ZNF516: variants seen among roughly 807,000 people sequenced by gnomAD.
The protein encoded by ZNF516 is zinc finger protein 516.
In ZNF516, 19 loss-of-function variants were observed where a neutral mutation model predicts 79.7. The ratio of observed to expected loss-of-function variants is 0.24; its 90% CI spans 0.17 to 0.35. The LOEUF (loss-of-function observed/expected upper bound fraction) is 0.35, where lower values mean the gene tolerates loss of function less well. Ranked by LOEUF, ZNF516 falls within the 10% of genes least tolerant of loss-of-function variation. The pLI is 1.00. For missense variants in ZNF516, 1,678 were observed against 1,679.5 expected (o/e 1.00, Z 0.02); for synonymous variants, 877 against 739.5 (o/e 1.19, Z -3.02).
At chr18:76,466,191 C>T (rs1393658277) in intron 1 of ZNF516, among the ~76,000 whole-genome samples, 8 of 152,090 alleles carry the variant, frequency 5.3e-5, no homozygotes, top group Non-Finnish European at 7.4e-5. Flanking sequence ...ATTTGATTTA[C>T]GACACTAATT....
At chr18:76,366,513 C>T (rs757615836) in intron 6 of ZNF516, among the ~76,000 whole-genome samples, 24 of 152,184 alleles carry the variant, frequency 1.6e-4, no homozygotes, top group African/African-American at 5.3e-4. Context: ...AAGAGAAGCA[C>T]GCTGGCAGGT....
At chr18:76,422,707 T>C (rs1212553864) in intron 3 of ZNF516, among the ~76,000 whole-genome samples, 1 of 151,686 alleles carries the variant, frequency 6.6e-6, no homozygotes, top group African/African-American at 2.4e-5. Flanking sequence ...GGGGCAGACA[T>C]GGGGCACTGG....
At chr18:76,391,037 C>T (rs1033040465) in intron 3 of ZNF516, among the ~76,000 whole-genome samples, 2 of 152,094 alleles carry the variant, frequency 1.3e-5, no homozygotes, top group Non-Finnish European at 2.9e-5. Context: ...CCCAGGAGGG[C>T]CACGAGGGAA....
rs1441845017 is a variant in ZNF516 at position 76,442,847 on chromosome 18, G to A, written c.208C>T (p.Arg70Trp). ...TTCAGGTTGCCCTTCTGGGAAGCCCGGTGGTCGCAGTAGGGACACTTGTAG... is the reference window on the plus strand; with the variant it reads ...TTCAGGTTGCCCTTCTGGGAAGCCCAGTGGTCGCAGTAGGGACACTTGTAG... The part of the protein sequence containing the change: ...KPYKCPYCDH[R>W]ASQKGNLKIH... Residue 70 changes from arginine (R) to tryptophan (W), a missense_variant, in exon 3 of 7, where the codon CGG (arginine) becomes TGG (tryptophan). By Grantham distance (101) the Arg-to-Trp change is moderately radical. This residue lies in a region of ZNF516 where 26 missense variants were observed against 66.4 expected (regional missense o/e 0.39). Coordinates refer to ENST00000443185, the MANE Select transcript of ZNF516 (RefSeq NM_014643.4). The A allele has an allele frequency of 6.2e-7, 1 of 1,613,296 alleles. No individual in the cohort carries two copies. Among genetic ancestry groups the A allele is most frequent in the Non-Finnish European group, 8.5e-7 (1 of 1,179,612 alleles).
intron 1 of ZNF516, among the ~76,000 whole-genome samples, chr18:76,466,077 A>C (rs79275670): frequency 0.017 from 2,587 of 152,284 alleles, 85 homozygotes; most frequent in African/African-American, 0.06. Context: ...CTGATGATCA[A>C]CTGTTTCTTC....
chr18:76,450,403 G>T (rs1473994859), intron 2 of ZNF516, among the ~76,000 whole-genome samples: 1 of 149,378 alleles, frequency 6.7e-6, no homozygotes, highest in South Asian at 2.2e-4. Flanking sequence ...ATAAATGCAG[G>T]TTGGGAAACT....
intron 3 of ZNF516, among the ~76,000 whole-genome samples, chr18:76,424,643 CGCA>C (rs2075565758): frequency 7.7e-6 from 1 of 129,478 alleles, no homozygotes; most frequent in Non-Finnish European, 1.6e-5. Context: ...CCGAAACACA[CGCA>C]GGTGAAAAGG....
chr18:76,367,049 A>G (rs771912792), intron 6 of ZNF516, among the ~76,000 whole-genome samples: 26 of 152,110 alleles, frequency 1.7e-4, no homozygotes, highest in Non-Finnish European at 2.1e-4. Context: ...CCTATTAGAC[A>G]TTCCTACCTG....
intron 2 of ZNF516, among the ~76,000 whole-genome samples, chr18:76,448,963 G>C (rs563248809): frequency 1.3e-5 from 2 of 152,298 alleles, no homozygotes; most frequent in East Asian, 3.9e-4. Context: ...GGGAACCTGA[G>C]GCTCACCTGG....
intron 1 of ZNF516, among the ~76,000 whole-genome samples, chr18:76,466,406 A>G (rs1913471427): frequency 6.6e-6 from 1 of 152,082 alleles, no homozygotes; most frequent in African/African-American, 2.4e-5. Flanking sequence ...ATAATGGTGC[A>G]CCCATGCTGC....
chr18:76,433,993 A>T (rs1222337072), intron 3 of ZNF516, among the ~76,000 whole-genome samples: 1 of 151,772 alleles, frequency 6.6e-6, no homozygotes, highest in African/African-American at 2.4e-5. Flanking sequence ...TCACAGGTGC[A>T]CCAAGCCCTC....
chr18:76,492,495 T>G (rs1338809941), intron 1 of ZNF516: 2 of 476,944 alleles, frequency 4.2e-6, no homozygotes, highest in Non-Finnish European at 5.5e-6. Flanking sequence ...TGCCAGGGAC[T>G]AGGCATCAAC....
chr18:76,436,334 T>A (rs1050395792), intron 3 of ZNF516, among the ~76,000 whole-genome samples: 5 of 152,194 alleles, frequency 3.3e-5, no homozygotes, highest in Non-Finnish European at 7.3e-5. Flanking sequence ...GGATGCTATT[T>A]CCTGCCTACA....
At position 76,441,569 on chromosome 18, in the gene ZNF516, G is replaced by A; in HGVS notation, c.1486C>T (p.Arg496Cys). 6.8e-7 allele frequency: 1 copy of A among 1,466,874 alleles called. No homozygotes were observed. Among genetic ancestry groups the A allele is most frequent in the Non-Finnish European group, 9.0e-7 (1 of 1,114,064 alleles). 90.9% of individuals were successfully genotyped at this position (1,466,874 alleles called of 1,614,324 possible). The change falls in exon 3 of 7, where the codon CGC (arginine) becomes TGC (cysteine). Residue 496 changes from arginine (R) to cysteine (C), a missense_variant. Coordinates refer to ENST00000443185, the MANE Select transcript of ZNF516 (RefSeq NM_014643.4). ...DPAPAGHLDP[R>C]SAARPNRRAA... is the part of the protein sequence containing the mutation. ...CTGCGGTTGGGGCGCGCGGCCGAGC[G>A]GGGATCGAGGTGGCCGGCGGGCGCG...
rs1433835005 is a variant in ZNF516 at position 76,360,026 on chromosome 18, T to C, written c.*2472A>G. On this transcript the variant is annotated 3_prime_UTR_variant, in exon 7 of 7. Transcript: ENST00000443185. ...GGGGGGGCTCCCCAGTCTGTTTAAC[T>C]GGGTGAAAACCTTCCTCCTGCACTC... 1 of 152,268 alleles carries C rather than the reference T, an allele frequency of 6.6e-6. No homozygotes were observed. The highest frequency in any genetic ancestry group is 1.5e-5 in the Non-Finnish European group (1 of 68,088). 9.4% of individuals were successfully genotyped at this position (152,268 alleles called of 1,614,324 possible).
Position 76,358,700 on chromosome 18 carries a change from G to GTCCT in ZNF516, c.*3794_*3797dup, listed in dbSNP as rs1222637361. 1.3e-5 allele frequency: 2 copies of GTCCT among 152,204 alleles called. No homozygotes were observed. Among genetic ancestry groups the GTCCT allele is most frequent in the African/African-American group, 2.4e-5 (1 of 41,448 alleles). The allele number at this position is 152,204 out of a possible 1,614,324, so 9.4% of individuals were successfully genotyped here. On this transcript the variant is annotated 3_prime_UTR_variant, in exon 7 of 7. Transcript: ENST00000443185. ...CAGAAAGTAAAGCTATGTGAATGCC[G>GTCCT]TCCTTCCTTCCTTCCTTTTTCTACA...
Position 76,492,841 on chromosome 18 carries a change from G to C in ZNF516, c.-272+2303C>G, listed in dbSNP as rs1382998851. 1.1e-5 allele frequency: 11 copies of C among 985,876 alleles called. No individual in the cohort carries two copies. In the Admixed American group the frequency reaches 6.8e-4, roughly 61 times the overall value. The allele number at this position is 985,876 out of a possible 1,614,324, so 61.1% of individuals were successfully genotyped here. A position where few individuals can be genotyped will look rare whatever the true frequency, so the allele number is the denominator to read the frequency against. On this transcript the variant is annotated intron_variant, in intron 1 of 6. Coordinates refer to ENST00000443185, the MANE Select transcript of ZNF516 (RefSeq NM_014643.4). ...GGAGGCGCTCCGTGGGGGCTGCTGC[G>C]TGCCCATGTAGCCGAACTGACTCGA...
chr18:76,370,069 T>C (rs933530661), intron 6 of ZNF516, among the ~76,000 whole-genome samples: 11 of 152,232 alleles, frequency 7.2e-5, no homozygotes, highest in Non-Finnish European at 1.3e-4. Flanking sequence ...ACTCTGGCCT[T>C]GCCAGTCGTG....
intron 4 of ZNF516, among the ~76,000 whole-genome samples, chr18:76,376,522 CCTCT>C (rs1242187751): frequency 1.0e-4 from 12 of 119,976 alleles, no homozygotes; most frequent in South Asian, 3.2e-4. Flanking sequence ...AAATATTTAA[CCTCT>C]CTCTTTCAAA....
Sources: gnomAD v4.1 joint callset for allele counts (sites outside exome capture counted in the v4.1 genomes callset) on GRCh38, gnomAD v4.1.1 for gene constraint, gnomAD v4.1.1 regional missense constraint, MANE v1.5 for transcripts, NCBI Gene and HGNC (gene_info 2026-07-23, HGNC 2026-07-21) for gene names.